Variants in ASPG observed in about 807,000 individuals in gnomAD.
ASPG encodes the protein asparaginase.
A neutral mutation model predicts 63.2 loss-of-function variants in ASPG; 53 were observed. That is an observed-to-expected ratio of 0.84 (90% CI 0.67 to 1.05). The LOEUF (loss-of-function observed/expected upper bound fraction) is 1.05. Ranked by LOEUF, ASPG falls within the 50% of genes least tolerant of loss-of-function variation. The pLI, the probability that ASPG is intolerant of heterozygous loss-of-function variation, is 0.00. For synonymous variants in ASPG, 370 were observed against 355.0 expected, an observed-to-expected ratio of 1.04 and a Z score of -0.48; for missense variants, 741 against 794.4, an observed-to-expected ratio of 0.93 and a Z score of 0.81.
At chr14:104,100,914 G>T (rs1284086728) in intron 6 of ASPG, among the ~76,000 whole-genome samples, 3 of 152,212 alleles carry the variant, frequency 2.0e-5, no homozygotes, top group Non-Finnish European at 4.4e-5. Context: ...CACCTTATCT[G>T]GGGCTCAGGA....
Position 104,115,217 on chromosome 14 carries a change from G to A in ASPG, c.*2673G>A, listed in dbSNP as rs1258122829. The A allele has an allele frequency of 1.3e-5, 2 of 152,180 alleles. No homozygotes were observed. The highest frequency in any genetic ancestry group is 2.9e-5 in the Non-Finnish European group (2 of 68,030). The allele number at this position is 152,180 out of a possible 1,614,324, so 9.4% of individuals were successfully genotyped here. On this transcript the variant is annotated 3_prime_UTR_variant, in exon 16 of 16. Transcript: ENST00000551177. ...CCAGCTGGAGGTAACCAGATTTCTC[G>A]TGTATGCTAGGAAGTTCCCCTTCTG...
chr14:104,099,833 C>CG (rs1487251089), intron 6 of ASPG, among the ~76,000 whole-genome samples: 4 of 152,242 alleles, frequency 2.6e-5, no homozygotes, highest in African/African-American at 7.2e-5. Context: ...GGTCCAGCCC[C>CG]GGGGAGGCTC....
At chr14:104,103,354 C>T (rs1163384598) in intron 6 of ASPG, among the ~76,000 whole-genome samples, 3 of 152,258 alleles carry the variant, frequency 2.0e-5, no homozygotes, top group East Asian at 1.9e-4. Flanking sequence ...GCCCCGTGCA[C>T]GCTGCGGAGC....
In ASPG at chr14:104,112,545, C is replaced by T. The variant is rs752945712; in HGVS notation, c.*1C>T. The T allele has an allele frequency of 1.3e-6, 2 of 1,586,644 alleles. No homozygotes were observed. The highest frequency in any genetic ancestry group is 1.3e-5 in the African/African-American group (1 of 74,368). On this transcript the variant is annotated 3_prime_UTR_variant, in exon 16 of 16. Coordinates refer to ENST00000551177, the MANE Select transcript of ASPG (RefSeq NM_001080464.3). ...TCAGGAAGTGCTGCCTGGTGTCTAA[C>T]CTGAAGGCGTCCTGCTGCAGTATAA...
chr14:104,094,005 A>T (rs982306476), intron 3 of ASPG, among the ~76,000 whole-genome samples: 3 of 151,518 alleles, frequency 2.0e-5, no homozygotes, highest in Non-Finnish European at 4.4e-5. Context: ...ACACTCTGGG[A>T]CGGGTGAGGA....
chr14:104,095,307 G>A (rs569096490), intron 3 of ASPG, among the ~76,000 whole-genome samples: 12 of 152,334 alleles, frequency 7.9e-5, no homozygotes, highest in Non-Finnish European at 1.5e-4. Flanking sequence ...TCAGCGTGGT[G>A]GGTGCACCCG....
chr14:104,100,761 G>A (rs1228068006), intron 6 of ASPG, among the ~76,000 whole-genome samples: 3 of 152,334 alleles, frequency 2.0e-5, no homozygotes, highest in African/African-American at 7.2e-5. Context: ...GGAGGAGGTG[G>A]CTTGTGAGCT....
At chr14:104,104,165 G>T in intron 7 of ASPG, 139 bp from the exon 8 acceptor site, 1 of 959,938 alleles carries the variant, frequency 1.0e-6, no homozygotes. Flanking sequence ...TCTGCCAGGA[G>T]CCCCACTGTC....
Position 104,107,322 on chromosome 14 carries a change from G to C in ASPG, c.1410G>C (p.Pro470=), listed in dbSNP as rs745373973. 2.5e-6 allele frequency: 4 copies of C among 1,589,372 alleles called. No homozygotes were observed. The highest frequency in any genetic ancestry group is 4.5e-5 in the East Asian group (2 of 44,452). Residue 470 remains proline (P), a synonymous_variant, in exon 12 of 16, where the codon CCG becomes CCC. Coordinates refer to ENST00000551177, the MANE Select transcript of ASPG (RefSeq NM_001080464.3). ...CCCGGGACACGGATGGCTTCAGCCC[G>C]CTGCTGCTGGCCGTGCGGGGCAGGT... ...VNTRDTDGFS[P]LLLAVRGRHP...
In ASPG at chr14:104,095,669, GC is replaced by G. The variant is rs1239434412; in HGVS notation, c.429+16del. The G allele has an allele frequency of 6.2e-7, 1 of 1,612,072 alleles. No homozygotes were observed. Among genetic ancestry groups the G allele is most frequent in the Non-Finnish European group, 8.5e-7 (1 of 1,179,684 alleles). Reference sequence around the variant, plus strand: ...CACTGGGGCCCAGGTAATCCCAGGGGCCCGGGGCTCCTAGGAACAGGGGCTT... The same window carrying G: ...CACTGGGGCCCAGGTAATCCCAGGGGCCGGGGCTCCTAGGAACAGGGGCTT... On this transcript the variant is annotated intron_variant, in intron 4 of 15. Coordinates refer to ENST00000551177, the MANE Select transcript of ASPG (RefSeq NM_001080464.3).
chr14:104,098,047 T>A (rs74651070), intron 5 of ASPG, among the ~76,000 whole-genome samples: 2 of 15,994 alleles, frequency 1.3e-4, no homozygotes, highest in African/African-American at 2.4e-4. Context: ...TATGGAGGTT[T>A]TGCGTTAGAG....
intron 3 of ASPG, among the ~76,000 whole-genome samples, chr14:104,095,295 C>A (rs997684015): frequency 2.0e-5 from 3 of 152,270 alleles, no homozygotes; most frequent in East Asian, 1.9e-4. Flanking sequence ...CTGAGGGGAG[C>A]CTCAGCGTGG....
Position 104,110,667 on chromosome 14 carries a change from G to A in ASPG, c.1521-835G>A, listed in dbSNP as rs953743595. 2.0e-6 allele frequency: 2 copies of A among 985,366 alleles called. No homozygotes were observed. The highest frequency in any genetic ancestry group is 2.4e-6 in the Non-Finnish European group (2 of 829,896). 61.0% of individuals were successfully genotyped at this position (985,366 alleles called of 1,614,324 possible). A position where few individuals can be genotyped will look rare whatever the true frequency, so the allele number is the denominator to read the frequency against. ...CAGAGATTACCCAGTGCCACTGCAG[G>A]GCTGCTGCTGTTTCCTGGGTAGGCG... On this transcript the variant is annotated intron_variant, in intron 13 of 15. Transcript: ENST00000551177. The surrounding 1 kb of genome is among the most constrained non-coding windows in gnomAD (Gnocchi z 4.7).
intron 6 of ASPG, among the ~76,000 whole-genome samples, chr14:104,101,073 C>T (rs1244962117): frequency 6.6e-6 from 1 of 152,366 alleles, no homozygotes; most frequent in East Asian, 1.9e-4. Context: ...GGCCGTGGGG[C>T]AGCTCCTGGG....
rs938261577 is a variant in ASPG at position 104,114,722 on chromosome 14, G to A, written c.*2178G>A. The A allele has an allele frequency of 4.6e-5, 7 of 152,346 alleles. No homozygotes were observed. The highest frequency in any genetic ancestry group is 6.5e-5 in the Admixed American group (1 of 15,294). 9.4% of individuals were successfully genotyped at this position (152,346 alleles called of 1,614,324 possible). A position where few individuals can be genotyped will look rare whatever the true frequency, so the allele number is the denominator to read the frequency against. ...GCAGTGGGAACAGCCGGGACAGACA[G>A]GCTTGGAGCGTTCGTGTCCTGCGCC... On this transcript the variant is annotated 3_prime_UTR_variant, in exon 16 of 16. Coordinates refer to ENST00000551177, the MANE Select transcript of ASPG (RefSeq NM_001080464.3).
chr14:104,090,668 G>A (rs60151872), intron 1 of ASPG, among the ~76,000 whole-genome samples: 4 of 152,220 alleles, frequency 2.6e-5, no homozygotes, highest in Admixed American at 6.5e-5. Flanking sequence ...CTGCCCTGTC[G>A]TCATATGGCC....
chr14:104,087,184 A>G (rs941948), intron 1 of ASPG, among the ~76,000 whole-genome samples: 91,916 of 152,054 alleles, frequency 0.6, 28,778 homozygotes, highest in East Asian at 0.87. Context: ...CAGGTCCCCA[A>G]GAACGTGGCT....
chr14:104,104,099 C>A (rs2037006150), intron 7 of ASPG, among the ~76,000 whole-genome samples: 1 of 152,232 alleles, frequency 6.6e-6, no homozygotes, highest in South Asian at 2.1e-4. Flanking sequence ...GACAGGGCGA[C>A]CCTTTGGGAG....
rs1418610314 is a variant in ASPG at position 104,085,854 on chromosome 14, T to G, written c.82+2T>G. ...TTGGCATGCGGAGTGAGCTCGGCGG[T>G]GAGTCCGAGACCCTGGGCGGGGTAG... On this transcript the variant is annotated splice_donor_variant, in intron 1 of 15. Coordinates refer to ENST00000551177, the MANE Select transcript of ASPG (RefSeq NM_001080464.3). LOFTEE classifies it high-confidence loss of function. 2.1e-5 allele frequency: 33 copies of G among 1,582,230 alleles called. No individual in the cohort carries two copies. Among genetic ancestry groups the G allele is most frequent in the Non-Finnish European group, 2.8e-5 (33 of 1,170,990 alleles).
Sources: allele counts gnomAD v4.1 joint callset (sites outside exome capture counted in the v4.1 genomes callset), GRCh38; gene constraint gnomAD v4.1.1; non-coding constraint Gnocchi (gnomAD v3.1); transcripts MANE v1.5; gene names NCBI Gene and HGNC (gene_info 2026-07-23, HGNC 2026-07-21).